Variants in XPO1 observed in about 807,000 individuals in gnomAD.
XPO1 encodes the protein exportin-1.
In XPO1, 5 loss-of-function variants were observed where a neutral mutation model predicts 133.3. That is an observed-to-expected ratio of 0.04 (90% CI 0.02 to 0.08). XPO1 has a LOEUF of 0.08. Among genes scored for constraint, XPO1 ranks in the 10% least tolerant of loss-of-function variants. The pLI is 1.00. For synonymous variants in XPO1, 419 were observed against 408.2 expected (o/e 1.03, Z -0.32); for missense variants, 506 against 1,267.5 (o/e 0.40, Z 9.12).
chr2:61,516,696 G>A (rs1698408037), intron 4 of XPO1, among the ~76,000 whole-genome samples: 10 of 151,614 alleles, frequency 6.6e-5, no homozygotes, highest in Middle Eastern at 3.5e-3. Context: ...TTACAGGCAT[G>A]AGCCACCATG....
rs1187435676 is a variant in XPO1 at position 61,537,579 on chromosome 2, T to G, written c.-24A>C. 6.7e-6 allele frequency: 1 copy of G among 149,554 alleles called. No individual in the cohort carries two copies. Among genetic ancestry groups the G allele is most frequent in the Non-Finnish European group, 1.5e-5 (1 of 67,166 alleles). 9.3% of individuals were successfully genotyped at this position (149,554 alleles called of 1,614,324 possible). A position where few individuals can be genotyped will look rare whatever the true frequency, so the allele number is the denominator to read the frequency against. On this transcript the variant is annotated 5_prime_UTR_variant, in exon 1 of 25. Coordinates refer to ENST00000401558, the MANE Select transcript of XPO1 (RefSeq NM_003400.4). ...CGACTTACCCAGAGATTGAACCAAC[T>G]GCTCCTTCCTTCCTCGTTGGGGGAT... is the stretch of plus-strand genomic sequence containing the variant.
intron 12 of XPO1, chr2:61,493,562 T>G: frequency 4.3e-6 from 1 of 233,286 alleles, no homozygotes; most frequent in Non-Finnish European, 8.4e-6. Flanking sequence ...TATAATTATT[T>G]AAGTGTGTTT....
chr2:61,493,782 G>T, intron 12 of XPO1, 112 bp downstream of exon 12: 1 of 1,163,990 alleles, frequency 8.6e-7, no homozygotes. Context: ...TGGAGAAGTT[G>T]TTGGGTTCTC....
chr2:61,517,015 T>C (rs1049820525), intron 4 of XPO1, among the ~76,000 whole-genome samples: 1 of 152,246 alleles, frequency 6.6e-6, no homozygotes, highest in Non-Finnish European at 1.5e-5. Context: ...CCGATTCTCT[T>C]GCCTCAGCCT....
At chr2:61,503,726 C>G (rs911639330) in intron 4 of XPO1, among the ~76,000 whole-genome samples, 3 of 152,118 alleles carry the variant, frequency 2.0e-5, no homozygotes, top group Admixed American at 1.3e-4. Flanking sequence ...GCCCAGCACA[C>G]CCAGCTACTT....
intron 4 of XPO1, among the ~76,000 whole-genome samples, chr2:61,521,271 T>G (rs919798560): frequency 2.9e-4 from 44 of 152,192 alleles, no homozygotes; most frequent in Non-Finnish European, 1.2e-4. Flanking sequence ...TAAGTCAGAT[T>G]AGCTAAGTAA....
At position 61,484,115 on chromosome 2, in the gene XPO1, A is replaced by G. The variant is rs1351970237; in HGVS notation, c.2509-10T>C. 1.2e-6 allele frequency: 2 copies of G among 1,607,918 alleles called. No individual in the cohort carries two copies. The highest frequency in any genetic ancestry group is 3.4e-5 in the Admixed American group (2 of 59,644). ...GATATTCTTCAAAGTCCTAAAAATA[A>G]GTGGTGGAAACAAAATAATGTTTCA... On this transcript the variant is annotated splice_polypyrimidine_tract_variant and intron_variant, in intron 20 of 24. Transcript: ENST00000401558.
At chr2:61,489,942 G>C (rs1328146663) in intron 17 of XPO1, among the ~76,000 whole-genome samples, 13 of 150,112 alleles carry the variant, frequency 8.7e-5, no homozygotes, top group African/African-American at 3.2e-4. Context: ...CCAGGCTGGA[G>C]TGCAGTGGCA....
chr2:61,532,651 TATG>T (rs1168947417), intron 2 of XPO1, among the ~76,000 whole-genome samples: 2 of 145,918 alleles, frequency 1.4e-5, no homozygotes, highest in African/African-American at 5.1e-5. Flanking sequence ...TCCTGGCCAA[TATG>T]ATGAAACCCA....
intron 4 of XPO1, among the ~76,000 whole-genome samples, chr2:61,508,136 C>T (rs945099819): frequency 1.3e-5 from 2 of 152,052 alleles, no homozygotes; most frequent in African/African-American, 2.4e-5. Context: ...GGCCAAGGCA[C>T]GTGGATCACC....
chr2:61,535,778 G>A (rs1320402972), intron 1 of XPO1, among the ~76,000 whole-genome samples: 1 of 152,036 alleles, frequency 6.6e-6, no homozygotes, highest in Non-Finnish European at 1.5e-5. Context: ...TTAAACAGCA[G>A]AATACTTGTT....
At chr2:61,481,087 A>T in intron 24 of XPO1, 98 bp downstream of exon 24, 1 of 701,430 alleles carries the variant, frequency 1.4e-6, no homozygotes, top group Non-Finnish European at 2.3e-6. Context: ...AACCCCATTT[A>T]TTTGGCATGA....
chr2:61,479,045 T>A, intron 24 of XPO1, 79 bp from the exon 25 acceptor site: 1 of 1,511,910 alleles, frequency 6.6e-7, no homozygotes, highest in East Asian at 2.3e-5. Flanking sequence ...AGCAATTTCC[T>A]TTTTAGAGAA....
intron 4 of XPO1, among the ~76,000 whole-genome samples, chr2:61,516,564 G>A (rs1201155088): frequency 4.0e-5 from 6 of 151,760 alleles, no homozygotes; most frequent in South Asian, 2.1e-4. Context: ...ACAGGCATGC[G>A]CCACCACGCC....
intron 4 of XPO1, among the ~76,000 whole-genome samples, chr2:61,516,827 T>C (rs1013176368): frequency 1.3e-5 from 2 of 152,246 alleles, no homozygotes; most frequent in African/African-American, 4.8e-5. Context: ...TATAGCATCA[T>C]CTTTCCCCCC....
rs1699410653 is a variant in XPO1 at position 61,537,607 on chromosome 2, G to C, written c.-52C>G. On this transcript the variant is annotated 5_prime_UTR_variant, in exon 1 of 25. Transcript: ENST00000401558. Reference sequence around the variant, plus strand: ...TCCTTCCTTCCTCGTTGGGGGATTAGGGCGAGGGAAGGTGGGGAGGGGGGA... The same window carrying C: ...TCCTTCCTTCCTCGTTGGGGGATTACGGCGAGGGAAGGTGGGGAGGGGGGA... The C allele has an allele frequency of 6.6e-6, 1 of 151,860 alleles. No individual in the cohort carries two copies. Among genetic ancestry groups the C allele is most frequent in the African/African-American group, 2.4e-5 (1 of 41,354 alleles). The allele number at this position is 151,860 out of a possible 1,614,324, so 9.4% of individuals were successfully genotyped here.
chr2:61,499,130 T>G (rs1697380849), intron 7 of XPO1, among the ~76,000 whole-genome samples: 1 of 152,202 alleles, frequency 6.6e-6, no homozygotes, highest in South Asian at 2.1e-4. Flanking sequence ...TGTTTAAAAC[T>G]TAATGGAAGT....
At chr2:61,507,228 C>A (rs6725606) in intron 4 of XPO1, among the ~76,000 whole-genome samples, 81,352 of 133,968 alleles carry the variant, frequency 0.61, 24,598 homozygotes, top group Middle Eastern at 0.68. Context: ...TGGGTGACAG[C>A]GGGAGACTCC....
rs561084212 is a variant in XPO1 at position 61,483,792 on chromosome 2, A to T, written c.2677+145T>A. The stretch of plus-strand genomic sequence containing the variant: ...GGAGTGGAGTGGAACAGTTGATTAA[A>T]CTGCTTATAGGATTTTCTCAGATGT... On this transcript the variant is annotated intron_variant, in intron 21 of 24. Coordinates refer to ENST00000401558, the MANE Select transcript of XPO1 (RefSeq NM_003400.4). 2.1e-4 allele frequency: 192 copies of T among 908,978 alleles called. 2 individuals are homozygous for T. The South Asian group carries it at 3.2e-3, about 15-fold the overall frequency. The allele number at this position is 908,978 out of a possible 1,614,324, so 56.3% of individuals were successfully genotyped here.
Sources: allele counts gnomAD v4.1 joint callset (sites outside exome capture counted in the v4.1 genomes callset), GRCh38; gene constraint gnomAD v4.1.1; transcripts MANE v1.5; gene names NCBI Gene and HGNC (gene_info 2026-07-23, HGNC 2026-07-21).